The following RGS7 variants were observed in gnomAD, a reference collection of about 807,000 sequenced individuals.
RGS7 encodes the protein regulator of G protein signaling 7.
A neutral mutation model predicts 81.1 loss-of-function variants in RGS7; 27 were observed. The ratio of observed to expected loss-of-function variants is 0.33; its 90% CI spans 0.25 to 0.46. RGS7 has a LOEUF of 0.46. Ranked by LOEUF, RGS7 falls within the 20% of genes least tolerant of loss-of-function variation. The pLI, the probability that RGS7 is intolerant of heterozygous loss-of-function variation, is 1.00. For synonymous variants in RGS7, 208 were observed against 207.7 expected, an observed-to-expected ratio of 1.00 and a Z score of -0.01; for missense variants, 396 against 607.4, an observed-to-expected ratio of 0.65 and a Z score of 3.66.
intron 3 of RGS7, among the ~76,000 whole-genome samples, chr1:241,017,708 A>G (rs1414930842): frequency 6.6e-6 from 1 of 151,936 alleles, no homozygotes; most frequent in Non-Finnish European, 1.5e-5. Flanking sequence ...AGTTTAAGTG[A>G]TTTCTATCCC....
intron 6 of RGS7, among the ~76,000 whole-genome samples, chr1:240,891,532 A>AT (rs953622228): frequency 6.6e-6 from 1 of 152,082 alleles, no homozygotes; most frequent in Non-Finnish European, 1.5e-5. Context: ...AAATGAAGTC[A>AT]TTTTTTTCAA....
chr1:241,340,446 C>T (rs1257385807), intron 2 of RGS7, among the ~76,000 whole-genome samples: 1 of 152,096 alleles, frequency 6.6e-6, no homozygotes, highest in Non-Finnish European at 1.5e-5. Flanking sequence ...TAAAATAATT[C>T]TGAGAGCATC....
chr1:241,327,544 A>C (rs991582974), intron 2 of RGS7, among the ~76,000 whole-genome samples: 1 of 152,192 alleles, frequency 6.6e-6, no homozygotes, highest in Non-Finnish European at 1.5e-5. Flanking sequence ...TCATTATTAT[A>C]ATGACAGAAG....
At chr1:240,924,967 G>A (rs923200848) in intron 6 of RGS7, among the ~76,000 whole-genome samples, 3 of 152,120 alleles carry the variant, frequency 2.0e-5, no homozygotes, top group Non-Finnish European at 4.4e-5. Context: ...TGGGTGAGAT[G>A]AGTCATACAA....
intron 2 of RGS7, among the ~76,000 whole-genome samples, chr1:241,150,556 C>G (rs1286131269): frequency 6.6e-6 from 1 of 152,122 alleles, no homozygotes; most frequent in Non-Finnish European, 1.5e-5. Context: ...TCTATAAACC[C>G]CCTCCCATAG....
rs1036900063 is a variant in RGS7, at chr1:241,186,322, C to T, written c.79-87560G>A. 5 of 179,462 alleles carry T rather than the reference C, an allele frequency of 2.8e-5. No individual in the cohort carries two copies. The East Asian group carries it at 9.4e-4, about 34-fold the overall frequency. 11.1% of individuals were successfully genotyped at this position (179,462 alleles called of 1,614,324 possible). A position where few individuals can be genotyped will look rare whatever the true frequency, so the allele number is the denominator to read the frequency against. On this transcript the variant is annotated intron_variant, in intron 2 of 18. Transcript: ENST00000440928. ...AACAATCCAAATATCCTTCACCTGG[C>T]AAACAGATAAACAAATACTGGTACA... is the stretch of plus-strand genomic sequence containing the variant.
chr1:241,065,354 C>T (rs1311407103), intron 3 of RGS7, among the ~76,000 whole-genome samples: 1 of 151,470 alleles, frequency 6.6e-6, no homozygotes, highest in African/African-American at 2.4e-5. Flanking sequence ...AATGAGTGGG[C>T]TTACACTGGG....
intron 2 of RGS7, among the ~76,000 whole-genome samples, chr1:241,340,405 A>T (rs925084211): frequency 2.0e-5 from 3 of 152,188 alleles, no homozygotes; most frequent in African/African-American, 7.2e-5. Context: ...TGGGGAGACT[A>T]AACAAAGCCA....
chr1:241,100,462 A>T (rs1303253255), intron 2 of RGS7, among the ~76,000 whole-genome samples: 1 of 151,956 alleles, frequency 6.6e-6, no homozygotes, highest in Admixed American at 6.6e-5. Context: ...GTATCAACGG[A>T]TGTATTACTA....
chr1:241,288,350 C>T (rs2078926626), intron 2 of RGS7, among the ~76,000 whole-genome samples: 1 of 152,162 alleles, frequency 6.6e-6, no homozygotes, highest in Non-Finnish European at 1.5e-5. Context: ...CTGTGCTACT[C>T]CAGAGCTTCC....
rs1321543151 is a variant in RGS7 at position 240,883,341 on chromosome 1, A to AT, written c.386-13223dup. 7.2e-5 allele frequency among the ~76,000 whole-genome samples: 11 copies of AT among 152,206 alleles called. No individual in the cohort carries two copies. In the South Asian group the frequency reaches 2.3e-3, roughly 32 times the overall value. ...AACTTAAAGTATAATAATAATAAAA[A>AT]TTTTTTAAAAAAACAAAAAACAATG... On this transcript the variant is annotated intron_variant, in intron 6 of 18. Transcript: ENST00000440928.
chr1:241,090,011 A>AAAAAGAG (rs541555728), intron 3 of RGS7, among the ~76,000 whole-genome samples: 3 of 141,766 alleles, frequency 2.1e-5, no homozygotes, highest in African/African-American at 8.4e-5. Context: ...AAAAAAAAAA[A>AAAAAGAG]AGAGAGAGAG....
intron 2 of RGS7, among the ~76,000 whole-genome samples, chr1:241,100,043 T>TA (rs201399669): frequency 0.057 from 8,604 of 151,940 alleles, 336 homozygotes; most frequent in Non-Finnish European, 0.082. Flanking sequence ...AGTAAACAGT[T>TA]AAAAAAAACA....
In RGS7 at chr1:240,901,350, A is replaced by G. The variant is rs547642202; in HGVS notation, c.385+29367T>C. On this transcript the variant is annotated intron_variant, in intron 6 of 18. Coordinates refer to ENST00000440928, the MANE Select transcript of RGS7 (RefSeq NM_001364886.1). ...TGGTACCTCAGTTGGAAATGCAGAA[A>G]TCACCCGTCTTCTGCGTCGCTCATG... 3.3e-5 allele frequency among the ~76,000 whole-genome samples: 5 copies of G among 152,232 alleles called. No homozygotes were observed. In the East Asian group the frequency reaches 9.7e-4, roughly 30 times the overall value.
intron 2 of RGS7, among the ~76,000 whole-genome samples, chr1:241,165,187 A>G (rs867063669): frequency 6.6e-6 from 1 of 152,334 alleles, no homozygotes; most frequent in Middle Eastern, 3.4e-3. Flanking sequence ...CCAGAAGTAG[A>G]CTACATAAGA....
chr1:240,890,454 C>T (rs1326411032), intron 6 of RGS7, among the ~76,000 whole-genome samples: 1 of 151,998 alleles, frequency 6.6e-6, no homozygotes, highest in Non-Finnish European at 1.5e-5. Flanking sequence ...CCCAGCCTTG[C>T]CTCCTTTTTA....
At position 241,006,908 on chromosome 1, in the gene RGS7, T is replaced by TTTC. The variant is rs374255096; in HGVS notation, c.176-23782_176-23780dup. Among the ~76,000 whole-genome samples, 51 of 152,172 alleles carry TTTC rather than the reference T, an allele frequency of 3.4e-4. No homozygotes were observed. The East Asian group carries it at 7.3e-3, about 22-fold the overall frequency. On this transcript the variant is annotated intron_variant, in intron 3 of 18. Coordinates refer to ENST00000440928, the MANE Select transcript of RGS7 (RefSeq NM_001364886.1). The stretch of plus-strand genomic sequence containing the variant: ...TAATGCATAGGAAATGCACTTTCTC[T>TTTC]TTCTTCTTCTTCTTCTTATTATTTT...
intron 3 of RGS7, among the ~76,000 whole-genome samples, chr1:241,088,793 C>T (rs1367482136): frequency 1.3e-5 from 2 of 151,682 alleles, no homozygotes; most frequent in Non-Finnish European, 1.5e-5. Context: ...GGGCAGATCA[C>T]GAGGTCAGGA....
intron 3 of RGS7, among the ~76,000 whole-genome samples, chr1:241,095,927 C>A (rs1419401165): frequency 6.6e-6 from 1 of 152,118 alleles, no homozygotes; most frequent in African/African-American, 2.4e-5. Context: ...CCAAGTGATT[C>A]TGATACTAAT....
Sources: allele counts gnomAD v4.1 joint callset (sites outside exome capture counted in the v4.1 genomes callset), GRCh38; gene constraint gnomAD v4.1.1; transcripts MANE v1.5; gene names NCBI Gene and HGNC (gene_info 2026-07-23, HGNC 2026-07-21).